The following AFAP1L1 variants were observed in gnomAD, a reference collection of about 807,000 sequenced individuals.
AFAP1L1 encodes actin filament associated protein 1 like 1.
AFAP1L1 carries 77 observed loss-of-function variants against 99.8 expected under a neutral mutation model. The ratio of observed to expected loss-of-function variants is 0.77; its 90% CI spans 0.64 to 0.93. The LOEUF (loss-of-function observed/expected upper bound fraction) is 0.93, where lower values mean the gene tolerates loss of function less well. Ranked by LOEUF, AFAP1L1 falls within the 40% of genes least tolerant of loss-of-function variation. The pLI is 0.00. For missense variants in AFAP1L1, 893 were observed against 996.8 expected, an observed-to-expected ratio of 0.90 and a Z score of 1.40; for synonymous variants, 373 against 395.3, an observed-to-expected ratio of 0.94 and a Z score of 0.67.
At chr5:149,314,248 C>T (rs1018821753) in intron 9 of AFAP1L1, among the ~76,000 whole-genome samples, 7 of 152,210 alleles carry the variant, frequency 4.6e-5, no homozygotes, top group East Asian at 1.9e-4. Context: ...TTGGTGAGGC[C>T]GGAGGGAAAG....
chr5:149,335,578 T>A lies in AFAP1L1; in HGVS notation c.2155-16T>A, dbSNP rs768636300. 2 of 1,611,728 alleles carry A rather than the reference T, an allele frequency of 1.2e-6. No homozygotes were observed. The highest frequency in any genetic ancestry group is 4.5e-5 in the East Asian group (2 of 44,874). On this transcript the variant is annotated splice_polypyrimidine_tract_variant and intron_variant, in intron 17 of 18. Coordinates refer to ENST00000296721, the MANE Select transcript of AFAP1L1 (RefSeq NM_152406.4). ...CACCAGATCTCACCTATATAATTATTTATTGCCATCAACAGGAAACTGCAA... is the reference window on the plus strand; with the variant it reads ...CACCAGATCTCACCTATATAATTATATATTGCCATCAACAGGAAACTGCAA...
At chr5:149,319,854 T>G in intron 13 of AFAP1L1, 127 bp downstream of exon 13, 2 of 1,343,480 alleles carry the variant, frequency 1.5e-6, no homozygotes, top group Non-Finnish European at 2.0e-6. Flanking sequence ...GCTTCCTTGG[T>G]AAGCTGGAAT....
chr5:149,330,530 T>G (rs965024510), intron 16 of AFAP1L1, among the ~76,000 whole-genome samples: 1 of 152,182 alleles, frequency 6.6e-6, no homozygotes, highest in Non-Finnish European at 1.5e-5. Flanking sequence ...CAGGAGCTCA[T>G]GTGGCTGCCT....
chr5:149,342,172 CA>C lies in AFAP1L1; in HGVS notation c.*2144del, dbSNP rs1757576430. Among the ~76,000 whole-genome samples the C allele has an allele frequency of 6.6e-6, 1 of 152,176 alleles. No individual in the cohort carries two copies. Among genetic ancestry groups the C allele is most frequent in the Admixed American group, 6.5e-5 (1 of 15,278 alleles). The stretch of plus-strand genomic sequence containing the variant: ...TATTGCCTTCTTAATCATATTTGAA[CA>C]AGGAGTTCTGCTTTTCCTTTTGCCC... On this transcript the variant is annotated 3_prime_UTR_variant, in exon 19 of 19. Coordinates refer to ENST00000296721, the MANE Select transcript of AFAP1L1 (RefSeq NM_152406.4).
chr5:149,332,691 T>G lies in AFAP1L1; in HGVS notation c.1976-4T>G. On this transcript the variant is annotated splice_region_variant and splice_polypyrimidine_tract_variant and intron_variant, in intron 16 of 18. Transcript: ENST00000296721. ...CTTTTTCTTATCAATGTCTCTTGAT[T>G]CAGGAGCAAAATTAAAGGCTCTGGA... 1 of 1,608,792 alleles carries G rather than the reference T, an allele frequency of 6.2e-7. No individual in the cohort carries two copies. Among genetic ancestry groups the G allele is most frequent in the African/African-American group, 1.3e-5 (1 of 74,620 alleles).
At chr5:149,333,635 C>G (rs1003180129) in intron 17 of AFAP1L1, among the ~76,000 whole-genome samples, 1 of 152,198 alleles carries the variant, frequency 6.6e-6, no homozygotes, top group Non-Finnish European at 1.5e-5. Context: ...CATTTTGGAC[C>G]AGTAATTCTT....
intron 18 of AFAP1L1, among the ~76,000 whole-genome samples, chr5:149,339,770 T>C (rs1333259841): frequency 1.3e-5 from 2 of 152,188 alleles, no homozygotes; most frequent in Admixed American, 1.3e-4. Context: ...GTTTTGGATA[T>C]AAATTACATT....
At chr5:149,276,672 T>C (rs1270782000) in intron 1 of AFAP1L1, 1 of 152,200 alleles carries the variant, frequency 6.6e-6, no homozygotes, top group Non-Finnish European at 1.5e-5. Context: ...AATTACAATT[T>C]TTTTTTCCCA....
At position 149,286,220 on chromosome 5, in the gene AFAP1L1, A is replaced by G. The variant is rs568135047; in HGVS notation, c.17-13289A>G. Among the ~76,000 whole-genome samples, 7 of 152,182 alleles carry G rather than the reference A, an allele frequency of 4.6e-5. No individual in the cohort carries two copies. The South Asian group carries it at 8.3e-4, about 18-fold the overall frequency. Reference sequence around the variant, plus strand: ...CTCTAAGCACTTTATGTAACACCTCACTGGATCCTCACAACAGCCCTGTGA... The same window carrying G: ...CTCTAAGCACTTTATGTAACACCTCGCTGGATCCTCACAACAGCCCTGTGA... On this transcript the variant is annotated intron_variant, in intron 1 of 18. Coordinates refer to ENST00000296721, the MANE Select transcript of AFAP1L1 (RefSeq NM_152406.4).
intron 7 of AFAP1L1, among the ~76,000 whole-genome samples, chr5:149,308,095 A>G (rs997853408): frequency 2.0e-5 from 3 of 151,944 alleles, no homozygotes; most frequent in Admixed American, 6.6e-5. Flanking sequence ...GTTGCAGTGA[A>G]CCGAGATCAT....
At chr5:149,339,559 GTCT>G (rs1757502903) in intron 18 of AFAP1L1, among the ~76,000 whole-genome samples, 1 of 152,080 alleles carries the variant, frequency 6.6e-6, no homozygotes, top group Non-Finnish European at 1.5e-5. Flanking sequence ...TGAGATAGTC[GTCT>G]TCTTTTGATT....
At chr5:149,313,338 G>A (rs1422258437) in intron 9 of AFAP1L1, among the ~76,000 whole-genome samples, 1 of 151,860 alleles carries the variant, frequency 6.6e-6, no homozygotes, top group African/African-American at 2.4e-5. Context: ...CTTGCACGAT[G>A]TAATCGAGGC....
Position 149,312,119 on chromosome 5 carries a change from G to A in AFAP1L1, c.935G>A (p.Arg312Gln), listed in dbSNP as rs544299473. The change falls in exon 9 of 19, where the codon CGA becomes CAA. Residue 312 changes from arginine (R) to glutamine (Q), a missense_variant. Transcript: ENST00000296721. ...TGTGTGTCCTCTTCACAGGTCATCC[G>A]AGAAGTGAGCAAGCCAGTTGGGGGA... is the stretch of plus-strand genomic sequence containing the variant. ...EQAEEWLKVIREVSKPVGGAE... is the reference protein window; with the variant it reads ...EQAEEWLKVIQEVSKPVGGAE... 2.3e-5 allele frequency: 37 copies of A among 1,613,600 alleles called. No individual in the cohort carries two copies. In the East Asian group the frequency reaches 5.8e-4, roughly 25 times the overall value.
At position 149,302,469 on chromosome 5, in the gene AFAP1L1, T is replaced by A. The variant is rs771308362; in HGVS notation, c.379T>A (p.Tyr127Asn). The change falls in exon 5 of 19, where the codon TAT becomes AAT. Residue 127 changes from tyrosine (Y) to asparagine (N), a missense_variant. Physicochemically the swap from Tyr to Asn is moderately radical, Grantham distance 143. Coordinates refer to ENST00000296721, the MANE Select transcript of AFAP1L1 (RefSeq NM_152406.4). The stretch of plus-strand genomic sequence containing the variant: ...CAACAAGCCTCCCCCTGAGGACTAC[T>A]ATGAAGAGGCCCTTCCTCTGGGACC... The part of the protein sequence containing the change: ...LPNKPPPEDY[Y>N]EEALPLGPGK... The A allele has an allele frequency of 1.3e-6, 2 of 1,597,672 alleles. No homozygotes were observed. The highest frequency in any genetic ancestry group is 4.5e-5 in the East Asian group (2 of 44,394).
intron 1 of AFAP1L1, among the ~76,000 whole-genome samples, chr5:149,299,010 C>T (rs544594433): frequency 6.6e-6 from 1 of 152,304 alleles, no homozygotes; most frequent in Admixed American, 6.5e-5. Context: ...TGGCTGTGGC[C>T]AAGGCACCGG....
chr5:149,312,287 G>T (rs1388368576), intron 9 of AFAP1L1, 83 bp downstream of exon 9: 2 of 1,416,240 alleles, frequency 1.4e-6, no homozygotes, highest in African/African-American at 1.4e-5. Context: ...CTAACTGGCT[G>T]GGGGGAAAGT....
At chr5:149,333,859 C>T (rs1428035060) in intron 17 of AFAP1L1, among the ~76,000 whole-genome samples, 1 of 152,192 alleles carries the variant, frequency 6.6e-6, no homozygotes, top group Non-Finnish European at 1.5e-5. Context: ...AAATTACCAA[C>T]AGCTGCCTCT....
chr5:149,277,983 C>G (rs78790270), intron 1 of AFAP1L1, among the ~76,000 whole-genome samples: 12,041 of 152,122 alleles, frequency 0.079, 1,146 homozygotes, highest in African/African-American at 0.23. Flanking sequence ...GTTTTGCCAG[C>G]CTCTCCCTCA....
chr5:149,328,626 T>C (rs1256258263), intron 15 of AFAP1L1, among the ~76,000 whole-genome samples: 1 of 152,092 alleles, frequency 6.6e-6, no homozygotes, highest in Non-Finnish European at 1.5e-5. Flanking sequence ...CTGACCAACA[T>C]GGCGAAACCC....
Sources: allele counts gnomAD v4.1 joint callset (sites outside exome capture counted in the v4.1 genomes callset), GRCh38; gene constraint gnomAD v4.1.1; transcripts MANE v1.5; gene names NCBI Gene and HGNC (gene_info 2026-07-23, HGNC 2026-07-21).